Variants in POLR2B observed in about 807,000 individuals in gnomAD.
POLR2B encodes the protein RNA polymerase II subunit B.
POLR2B carries 57 observed loss-of-function variants against 144.6 expected under a neutral mutation model. The observed-to-expected ratio is 0.39, with a 90% CI of 0.32 to 0.49. The LOEUF (loss-of-function observed/expected upper bound fraction) is 0.49. POLR2B is among the 20% of genes least tolerant of loss of function. The pLI is 0.83. For missense variants in POLR2B, 595 were observed against 1,467.4 expected, an observed-to-expected ratio of 0.41 and a Z score of 9.71; for synonymous variants, 442 against 469.8, an observed-to-expected ratio of 0.94 and a Z score of 0.77.
Position 57,023,391 on chromosome 4 carries a change from T to C in POLR2B, c.2577T>C (p.Arg859=). The C allele has an allele frequency of 6.2e-7, 1 of 1,613,846 alleles. No individual in the cohort carries two copies. The highest frequency in any genetic ancestry group is 1.1e-5 in the South Asian group (1 of 91,074). Residue 859 remains arginine (R), a synonymous_variant, in exon 19 of 25, where the codon CGT becomes CGC. Coordinates refer to ENST00000314595, the MANE Select transcript of POLR2B (RefSeq NM_000938.3). The surrounding 1 kb of genome is among the most constrained non-coding windows in gnomAD (Gnocchi z 4.3). ...ATGGTTTGATAGCTCCAGGGGTTCGTGTATCAGGAGATGATGTTATTATAG... is the reference window on the plus strand; with the variant it reads ...ATGGTTTGATAGCTCCAGGGGTTCGCGTATCAGGAGATGATGTTATTATAG... ...DDDGLIAPGV[R]VSGDDVIIGK... is the part of the protein sequence containing the mutation.
At chr4:57,012,909 C>T (rs753703211) in intron 13 of POLR2B, among the ~76,000 whole-genome samples, 4 of 151,798 alleles carry the variant, frequency 2.6e-5, no homozygotes, top group East Asian at 1.9e-4. Flanking sequence ...GGCATGATCT[C>T]GGCTCACTGC....
intron 3 of POLR2B, among the ~76,000 whole-genome samples, chr4:56,993,035 G>T (rs1252139801): frequency 2.0e-5 from 3 of 152,088 alleles, no homozygotes; most frequent in Non-Finnish European, 4.4e-5. Context: ...CAGATGTGGT[G>T]GCTCATGCCT....
At position 57,030,888 on chromosome 4, in the gene POLR2B, T is replaced by C. The variant is rs763491623; in HGVS notation, c.3436-11T>C. ...CAATTCTGCTAATTACCATTTGTTT[T>C]TTCTTTTCAGATTTCTTTGGTGCGA... is the stretch of plus-strand genomic sequence containing the variant. On this transcript the variant is annotated splice_polypyrimidine_tract_variant and intron_variant, in intron 24 of 24. Transcript: ENST00000314595. 3 of 1,571,048 alleles carry C rather than the reference T, an allele frequency of 1.9e-6. No individual in the cohort carries two copies. The highest frequency in any genetic ancestry group is 2.6e-6 in the Non-Finnish European group (3 of 1,140,830).
intron 13 of POLR2B, among the ~76,000 whole-genome samples, chr4:57,012,398 CTG>C (rs1723220879): frequency 7.8e-6 from 1 of 128,054 alleles, no homozygotes; most frequent in Non-Finnish European, 1.6e-5. Flanking sequence ...GAGTGAGACT[CTG>C]TCTCCAAAAA....
rs944443388 is a variant in POLR2B at position 56,979,116 on chromosome 4, C to T, written c.19+112C>T. 9 of 1,114,368 alleles carry T rather than the reference C, an allele frequency of 8.1e-6. No homozygotes were observed. In the South Asian group the frequency reaches 1.1e-4, roughly 14 times the overall value. 69.0% of individuals were successfully genotyped at this position (1,114,368 alleles called of 1,614,324 possible). ...TCCCATGCGCCGGCTGCACAGTCCC[C>T]AGCCTTGTTCCCACACTTACCAGGC... On this transcript the variant is annotated intron_variant, in intron 1 of 24. Coordinates refer to ENST00000314595, the MANE Select transcript of POLR2B (RefSeq NM_000938.3).
At position 56,986,960 on chromosome 4, in the gene POLR2B, A is replaced by C. The variant is rs531724522; in HGVS notation, c.92+534A>C. Among the ~76,000 whole-genome samples the C allele has an allele frequency of 2.9e-4, 44 of 152,332 alleles. No homozygotes were observed. The South Asian group carries it at 8.5e-3, about 29-fold the overall frequency. Reference sequence around the variant, plus strand: ...GATCCTGGATCCAACCTAGGATCACATATTGCATTTACTTGTCATGGCATG... The same window carrying C: ...GATCCTGGATCCAACCTAGGATCACCTATTGCATTTACTTGTCATGGCATG... On this transcript the variant is annotated intron_variant, in intron 2 of 24. Coordinates refer to ENST00000314595, the MANE Select transcript of POLR2B (RefSeq NM_000938.3).
At chr4:57,026,488 ATGCTTTTG>A (rs1302727487) in intron 23 of POLR2B, among the ~76,000 whole-genome samples, 1 of 152,164 alleles carries the variant, frequency 6.6e-6, no homozygotes, top group Non-Finnish European at 1.5e-5. Context: ...GGAACCCAAA[ATGCTTTTG>A]TTTTATGTGA....
chr4:57,019,855 A>T (rs1250767146), intron 16 of POLR2B, among the ~76,000 whole-genome samples: 1 of 148,104 alleles, frequency 6.8e-6, no homozygotes, highest in Non-Finnish European at 1.5e-5. Flanking sequence ...AGGATTGTGC[A>T]TTGCATTTAA....
chr4:57,006,173 T>A (rs970538134), intron 9 of POLR2B, among the ~76,000 whole-genome samples: 1 of 152,256 alleles, frequency 6.6e-6, no homozygotes, highest in African/African-American at 2.4e-5. Flanking sequence ...AAGTTATTTT[T>A]AAAAATGAAA....
At chr4:56,985,824 G>A (rs1425001732) in intron 1 of POLR2B, among the ~76,000 whole-genome samples, 1 of 152,142 alleles carries the variant, frequency 6.6e-6, no homozygotes, top group Admixed American at 6.5e-5. Context: ...TTAAGTTACA[G>A]GAGAGTCAAA....
rs779373741 is a variant in POLR2B at position 56,992,560 on chromosome 4, AT to A, written c.243+1679del. Among the ~76,000 whole-genome samples the A allele has an allele frequency of 2.4e-3, 205 of 85,586 alleles. 1 individual carries two copies. In the South Asian group the frequency reaches 0.049, roughly 20 times the overall value. 56.1% of individuals were successfully genotyped at this position (85,586 alleles called of 152,430 possible). A position where few individuals can be genotyped will look rare whatever the true frequency, so the allele number is the denominator to read the frequency against. On this transcript the variant is annotated intron_variant, in intron 3 of 24. Transcript: ENST00000314595. ...ATCAGTATGTGATTTTGGCTTATCTATTTTTTTTTTTTTTTTTGAGACAGAG... is the reference window on the plus strand; with the variant it reads ...ATCAGTATGTGATTTTGGCTTATCTATTTTTTTTTTTTTTTTGAGACAGAG...
Position 57,025,419 on chromosome 4 carries a change from A to T in POLR2B, c.3121A>T (p.Ile1041Leu), listed in dbSNP as rs368212260. ...CACTGGTCGAAAAATCACATCACAA[A>T]TATTTATTGGCCCCACTTATTACCA... ...GFTGRKITSQ[I>L]FIGPTYYQRL... is the part of the protein sequence containing the mutation. Residue 1041 changes from isoleucine (I) to leucine (L), a missense_variant, in exon 23 of 25, where the codon ATA (isoleucine) becomes TTA (leucine). Transcript: ENST00000314595. 6.2e-7 allele frequency: 1 copy of T among 1,613,254 alleles called. No individual in the cohort carries two copies. The highest frequency in any genetic ancestry group is 1.3e-5 in the African/African-American group (1 of 74,896).
chr4:56,985,875 G>A (rs1187111295), intron 1 of POLR2B, among the ~76,000 whole-genome samples: 1 of 152,214 alleles, frequency 6.6e-6, no homozygotes, highest in African/African-American at 2.4e-5. Context: ...ACCACTATAT[G>A]TGATGATAGG....
At chr4:57,011,452 C>T (rs368869910) in intron 13 of POLR2B, among the ~76,000 whole-genome samples, 3 of 152,054 alleles carry the variant, frequency 2.0e-5, no homozygotes, top group Non-Finnish European at 2.9e-5. Context: ...CACTTGAACC[C>T]GGGAGGCGGG....
chr4:57,014,509 T>TC (rs1723304204), intron 13 of POLR2B, among the ~76,000 whole-genome samples: 1 of 135,602 alleles, frequency 7.4e-6, no homozygotes, highest in Admixed American at 7.5e-5. Flanking sequence ...TTTTTCTTTT[T>TC]TTTTTTTTTT....
chr4:57,016,399 T>A (rs1266159739), intron 14 of POLR2B, among the ~76,000 whole-genome samples: 2 of 151,864 alleles, frequency 1.3e-5, no homozygotes, highest in East Asian at 3.9e-4. Flanking sequence ...AATAAAAAAA[T>A]TAGTCAAGTG....
At chr4:56,986,178 G>T in intron 1 of POLR2B, 176 bp from the exon 2 acceptor site, 2 of 656,452 alleles carry the variant, frequency 3.0e-6, no homozygotes, top group Admixed American at 2.2e-5. Flanking sequence ...AAGAATACCT[G>T]TGTGACATAG....
intron 22 of POLR2B, 84 bp downstream of exon 22, chr4:57,025,083 A>G (rs1015597617): frequency 2.7e-6 from 2 of 730,896 alleles, no homozygotes; most frequent in Non-Finnish European, 4.7e-6. Context: ...GTAACCTTTT[A>G]TTGAAGTATC....
chr4:57,015,699 GAT>G, intron 14 of POLR2B, 43 bp downstream of exon 14: 1 of 938,092 alleles, frequency 1.1e-6, no homozygotes, highest in Non-Finnish European at 1.5e-6. Flanking sequence ...TAAAAATTGA[GAT>G]AGAATTTACA....
Sources: allele counts gnomAD v4.1 joint callset (sites outside exome capture counted in the v4.1 genomes callset), GRCh38; gene constraint gnomAD v4.1.1; non-coding constraint Gnocchi (gnomAD v3.1); transcripts MANE v1.5; gene names NCBI Gene and HGNC (gene_info 2026-07-23, HGNC 2026-07-21).